The following PLCB1 variants were observed in gnomAD, a reference collection of about 807,000 sequenced individuals.
PLCB1 encodes phospholipase C beta 1, also known as 1-phosphatidylinositol 4,5-bisphosphate phosphodiesterase beta-1.
In PLCB1, 46 loss-of-function variants were observed where a neutral mutation model predicts 161.8. The observed-to-expected ratio is 0.28, with a 90% confidence interval of 0.22 to 0.36. PLCB1 has a LOEUF of 0.36. PLCB1 is among the 10% of genes least tolerant of loss of function. PLCB1 has a pLI of 1.00. For missense variants in PLCB1, 1,016 were observed against 1,472.5 expected (o/e 0.69, Z 5.07); for synonymous variants, 517 against 503.7 (o/e 1.03, Z -0.35).
chr20:8,394,543 A>G (rs1005890261), intron 3 of PLCB1, among the ~76,000 whole-genome samples: 4 of 152,158 alleles, frequency 2.6e-5, no homozygotes, highest in Non-Finnish European at 5.9e-5. Flanking sequence ...TGTGGTCACA[A>G]TCAAGTTGCT....
intron 2 of PLCB1, among the ~76,000 whole-genome samples, chr20:8,174,287 T>C (rs1474883766): frequency 6.6e-6 from 1 of 152,158 alleles, no homozygotes; most frequent in East Asian, 1.9e-4. Context: ...ATTCAAATGA[T>C]AGCAGTTTCT....
intron 3 of PLCB1, among the ~76,000 whole-genome samples, chr20:8,509,759 TAG>T (rs1328368925): frequency 6.6e-6 from 1 of 151,884 alleles, no homozygotes; most frequent in Non-Finnish European, 1.5e-5. Context: ...GATAGATAGA[TAG>T]ATAGATAGAT....
At chr20:8,508,154 G>A (rs1410833783) in intron 3 of PLCB1, among the ~76,000 whole-genome samples, 1 of 152,156 alleles carries the variant, frequency 6.6e-6, no homozygotes, top group East Asian at 1.9e-4. Context: ...TGATCAAGGG[G>A]GAGTAAAGGC....
intron 3 of PLCB1, among the ~76,000 whole-genome samples, chr20:8,625,794 T>G (rs966778583): frequency 1.3e-4 from 20 of 152,300 alleles, no homozygotes; most frequent in Admixed American, 3.3e-4. Flanking sequence ...CCCTTCAGAT[T>G]CAATCAGCAG....
At chr20:8,514,005 A>G (rs1984001214) in intron 3 of PLCB1, among the ~76,000 whole-genome samples, 1 of 152,048 alleles carries the variant, frequency 6.6e-6, no homozygotes, top group Admixed American at 6.6e-5. Flanking sequence ...CAGCCTGGAC[A>G]ACACAGTCCC....
chr20:8,641,136 C>T (rs868326255), intron 4 of PLCB1, among the ~76,000 whole-genome samples: 1 of 152,158 alleles, frequency 6.6e-6, no homozygotes, highest in South Asian at 2.1e-4. Context: ...CATAGATGCC[C>T]AAACCCTTAC....
At chr20:8,576,465 T>C (rs2123065271) in intron 3 of PLCB1, among the ~76,000 whole-genome samples, 1 of 94,284 alleles carries the variant, frequency 1.1e-5, no homozygotes, top group Admixed American at 9.8e-5. Context: ...TAGCAAAAGG[T>C]TTGGAGATAA....
intron 2 of PLCB1, among the ~76,000 whole-genome samples, chr20:8,238,258 T>C (rs1364107245): frequency 6.6e-6 from 1 of 152,040 alleles, no homozygotes; most frequent in Non-Finnish European, 1.5e-5. Flanking sequence ...CGTGGAAGTA[T>C]CCAGCAGGCA....
intron 7 of PLCB1, among the ~76,000 whole-genome samples, chr20:8,655,719 GT>G (rs1989439999): frequency 6.6e-6 from 1 of 151,996 alleles, no homozygotes; most frequent in Non-Finnish European, 1.5e-5. Flanking sequence ...CACCCTTGGG[GT>G]TCATAAAATC....
chr20:8,282,954 A>G (rs1297026606), intron 2 of PLCB1, among the ~76,000 whole-genome samples: 2 of 147,408 alleles, frequency 1.4e-5, no homozygotes, highest in Admixed American at 1.4e-4. Flanking sequence ...TAATTAGGCA[A>G]GAGCTGACGT....
intron 2 of PLCB1, among the ~76,000 whole-genome samples, chr20:8,318,433 T>C (rs1984758134): frequency 6.7e-6 from 1 of 150,114 alleles, no homozygotes; most frequent in Non-Finnish European, 1.5e-5. Context: ...TTTCATTTCA[T>C]AGAAATAGAA....
chr20:8,158,627 T>C (rs2051587553), intron 2 of PLCB1, among the ~76,000 whole-genome samples: 3 of 152,130 alleles, frequency 2.0e-5, no homozygotes, highest in African/African-American at 7.2e-5. Flanking sequence ...TAATCCGAGA[T>C]AAAGCAATTC....
At chr20:8,154,269 G>T (rs964196679) in intron 2 of PLCB1, among the ~76,000 whole-genome samples, 3 of 152,102 alleles carry the variant, frequency 2.0e-5, no homozygotes, top group Non-Finnish European at 4.4e-5. Flanking sequence ...TTTCATGTTA[G>T]TACATGTGTA....
At chr20:8,198,267 C>T (rs1281118191) in intron 2 of PLCB1, among the ~76,000 whole-genome samples, 2 of 152,124 alleles carry the variant, frequency 1.3e-5, no homozygotes, top group Non-Finnish European at 2.9e-5. Flanking sequence ...GCCATTTTCA[C>T]AATATTGATT....
At chr20:8,647,586 A>G (rs892479231) in intron 5 of PLCB1, among the ~76,000 whole-genome samples, 4 of 152,228 alleles carry the variant, frequency 2.6e-5, no homozygotes, top group Non-Finnish European at 5.9e-5. Context: ...GAAACATGCT[A>G]TTGAGTGAAA....
chr20:8,699,382 G>T (rs985726923), intron 11 of PLCB1, among the ~76,000 whole-genome samples: 1 of 152,212 alleles, frequency 6.6e-6, no homozygotes, highest in South Asian at 2.1e-4. Context: ...CGAAGCTTTG[G>T]ATGAAGAAAC....
At chr20:8,252,523 A>G (rs1042633593) in intron 2 of PLCB1, among the ~76,000 whole-genome samples, 1 of 152,008 alleles carries the variant, frequency 6.6e-6, no homozygotes, top group Non-Finnish European at 1.5e-5. Context: ...TAATCCAGTG[A>G]TCTCATATAG....
chr20:8,722,539 G>A, intron 15 of PLCB1, 118 bp downstream of exon 15: 1 of 573,546 alleles, frequency 1.7e-6, no homozygotes, highest in Non-Finnish European at 2.9e-6. Context: ...CCTTCCAATT[G>A]CCAGCTTCAA....
intron 3 of PLCB1, among the ~76,000 whole-genome samples, chr20:8,592,158 C>T (rs1987168185): frequency 6.6e-6 from 1 of 152,238 alleles, no homozygotes; most frequent in African/African-American, 2.4e-5. Flanking sequence ...GCCCATGTGG[C>T]CAATCTTTGA....
Sources: gnomAD v4.1 joint callset for allele counts (sites outside exome capture counted in the v4.1 genomes callset) on GRCh38, gnomAD v4.1.1 for gene constraint, MANE v1.5 for transcripts, NCBI Gene and HGNC (gene_info 2026-07-23, HGNC 2026-07-21) for gene names.